LRP1B: variants seen among roughly 807,000 people sequenced by gnomAD.
LRP1B encodes LDL receptor related protein 1B.
Under a neutral mutation model 556.6 loss-of-function variants are expected in LRP1B, and 217 were observed. That is an observed-to-expected ratio of 0.39 (90% CI 0.35 to 0.44). The LOEUF is 0.44. Among genes scored for constraint, LRP1B ranks in the 20% least tolerant of loss-of-function variants. The pLI is 1.00. For synonymous variants in LRP1B, 2,047 were observed against 1,865.8 expected (o/e 1.10, Z -2.50); for missense variants, 5,053 against 5,620.8 (o/e 0.90, Z 3.23).
At chr2:142,129,065 T>C (rs772287476) in intron 1 of LRP1B, among the ~76,000 whole-genome samples, 5 of 152,188 alleles carry the variant, frequency 3.3e-5, no homozygotes, top group African/African-American at 4.8e-5. Flanking sequence ...GCCAGTACCA[T>C]TATATTTTGC....
At chr2:140,402,199 G>T (rs531867057) in intron 66 of LRP1B, among the ~76,000 whole-genome samples, 1 of 152,310 alleles carries the variant, frequency 6.6e-6, no homozygotes, top group Admixed American at 6.5e-5. Flanking sequence ...CACCCCGTGG[G>T]ACAAATGAAC....
chr2:140,856,763 ACACACACACACACACACATT>A, intron 27 of LRP1B, among the ~76,000 whole-genome samples: 1 of 130,408 alleles, frequency 7.7e-6, no homozygotes, highest in Admixed American at 7.6e-5. Context: ...ACACACACAC[ACACACACACACACACACATT>A]GTTTTTTCCT....
At chr2:140,647,302 C>T (rs1684519036) in intron 41 of LRP1B, among the ~76,000 whole-genome samples, 1 of 152,134 alleles carries the variant, frequency 6.6e-6, no homozygotes, top group Admixed American at 6.5e-5. Flanking sequence ...GTCTTTCCAA[C>T]CCTTTATGCT....
chr2:141,173,629 T>C (rs1245790143), intron 7 of LRP1B, among the ~76,000 whole-genome samples: 2 of 152,084 alleles, frequency 1.3e-5, no homozygotes, highest in African/African-American at 4.8e-5. Context: ...TCCTCCTGCA[T>C]GTCAATAAGG....
intron 3 of LRP1B, among the ~76,000 whole-genome samples, chr2:141,279,005 T>A (rs1168618054): frequency 1.3e-5 from 2 of 152,128 alleles, no homozygotes; most frequent in African/African-American, 2.4e-5. Flanking sequence ...TATGCAAAAA[T>A]TATTTAAATT....
At chr2:141,850,512 A>T (rs547686648) in intron 1 of LRP1B, among the ~76,000 whole-genome samples, 311 of 151,470 alleles carry the variant, frequency 2.1e-3, no homozygotes, top group African/African-American at 7.2e-3. Flanking sequence ...TCTAGATAAT[A>T]TACTCTAGGA....
intron 7 of LRP1B, among the ~76,000 whole-genome samples, chr2:141,123,537 T>G (rs897066882): frequency 3.3e-5 from 5 of 152,122 alleles, no homozygotes; most frequent in Admixed American, 2.0e-4. Flanking sequence ...TTAAACTAGC[T>G]ACTATTCTGT....
At chr2:141,809,440 C>T (rs1475769519) in intron 2 of LRP1B, among the ~76,000 whole-genome samples, 2 of 151,856 alleles carry the variant, frequency 1.3e-5, no homozygotes, top group African/African-American at 4.8e-5. Context: ...GACATGTCAG[C>T]ATACCTGGTT....
chr2:141,858,542 CAT>C (rs1698137822), intron 1 of LRP1B, among the ~76,000 whole-genome samples: 2 of 152,146 alleles, frequency 1.3e-5, no homozygotes, highest in South Asian at 4.1e-4. Context: ...CAGCTAACGA[CAT>C]AGACTTAAGG....
chr2:140,317,147 A>G (rs998389925), intron 82 of LRP1B, among the ~76,000 whole-genome samples: 2 of 152,096 alleles, frequency 1.3e-5, no homozygotes, highest in Non-Finnish European at 2.9e-5. Flanking sequence ...AGGAATTACA[A>G]TAGGTAAGTG....
intron 17 of LRP1B, among the ~76,000 whole-genome samples, chr2:140,986,720 A>C (rs1696937900): frequency 6.6e-6 from 1 of 152,136 alleles, no homozygotes; most frequent in East Asian, 1.9e-4. Flanking sequence ...TAGCCTGCTT[A>C]TACTTCTTTC....
At chr2:141,508,612 C>T (rs146098263) in intron 2 of LRP1B, among the ~76,000 whole-genome samples, 3 of 150,652 alleles carry the variant, frequency 2.0e-5, no homozygotes, top group Non-Finnish European at 4.4e-5. Context: ...GTATAGTTGT[C>T]TCTTGGTCTA....
At chr2:142,090,063 T>G (rs1312931715) in intron 1 of LRP1B, among the ~76,000 whole-genome samples, 1 of 152,164 alleles carries the variant, frequency 6.6e-6, no homozygotes, top group East Asian at 1.9e-4. Flanking sequence ...ATAAAATATG[T>G]ACATTTTAAC....
intron 35 of LRP1B, among the ~76,000 whole-genome samples, chr2:140,767,822 A>C (rs1689170171): frequency 6.6e-6 from 1 of 151,872 alleles, no homozygotes; most frequent in South Asian, 2.1e-4. Flanking sequence ...GCTCCAGCTA[A>C]AGCAAAGGAC....
intron 2 of LRP1B, among the ~76,000 whole-genome samples, chr2:141,655,869 A>G (rs923033859): frequency 1.4e-4 from 21 of 152,212 alleles, no homozygotes; most frequent in Admixed American, 1.3e-3. Context: ...TTGCACACAA[A>G]TGTACCACTC....
intron 3 of LRP1B, among the ~76,000 whole-genome samples, chr2:141,467,826 TTTGTTTGC>T (rs1682293699): frequency 7.7e-5 from 1 of 13,070 alleles, no homozygotes; most frequent in Admixed American, 1.7e-3. Context: ...TGTTTGTTTG[TTTGTTTGC>T]GGACCGGGGG....
At chr2:141,013,014 AAAT>A (rs1299233740) in intron 14 of LRP1B, among the ~76,000 whole-genome samples, 6 of 152,044 alleles carry the variant, frequency 3.9e-5, no homozygotes, top group East Asian at 3.9e-4. Flanking sequence ...GTAAAACATA[AAAT>A]AATATTATCT....
At chr2:140,715,936 A>T (rs4954852) in intron 37 of LRP1B, 37 bp downstream of exon 37, 813,102 of 1,470,422 alleles carry the variant, frequency 0.55, 229,808 homozygotes, top group Non-Finnish European at 0.59. Context: ...GAAAACTCAC[A>T]TAAAACTTGG....
intron 2 of LRP1B, among the ~76,000 whole-genome samples, chr2:141,742,007 T>A (rs1036304766): frequency 4.6e-5 from 7 of 152,200 alleles, no homozygotes; most frequent in African/African-American, 1.7e-4. Context: ...TTCTTCTGCA[T>A]ATGAATATCC....
Sources: allele counts gnomAD v4.1 joint callset (sites outside exome capture counted in the v4.1 genomes callset), GRCh38; gene constraint gnomAD v4.1.1; transcripts MANE v1.5; gene names NCBI Gene and HGNC (gene_info 2026-07-23, HGNC 2026-07-21).